Variants in COMT observed in about 807,000 individuals in gnomAD.
COMT encodes the protein catechol O-methyltransferase.
Under a neutral mutation model 18.9 loss-of-function variants are expected in COMT, and 13 were observed. That is an observed-to-expected ratio of 0.69 (90% CI 0.45 to 1.09). The LOEUF (loss-of-function observed/expected upper bound fraction) is 1.09, where lower values mean the gene tolerates loss of function less well. Among genes scored for constraint, COMT ranks in the 50% least tolerant of loss-of-function variants. The probability of loss-of-function intolerance (pLI) is 0.00; values close to 1 mark genes in which losing one functional copy is unlikely to be tolerated. For missense variants in COMT, 329 were observed against 361.8 expected, an observed-to-expected ratio of 0.91 and a Z score of 0.73; for synonymous variants, 150 against 160.9, an observed-to-expected ratio of 0.93 and a Z score of 0.51.
At chr22:19,962,183 G>A (rs996336935) in intron 2 of COMT, 9 of 372,180 alleles carry the variant, frequency 2.4e-5, no homozygotes, top group African/African-American at 1.6e-4. Flanking sequence ...AGCCAGCTGG[G>A]AGACAACAGC....
chr22:19,950,261 T>TTTTTTTTTTTTTTTTTTTTTTTTTG (rs763598655), intron 1 of COMT, among the ~76,000 whole-genome samples: 7 of 132,720 alleles, frequency 5.3e-5, no homozygotes, highest in South Asian at 2.6e-4. Flanking sequence ...TTTTTTTTTT[T>TTTTTTTTTTTTTTTTTTTTTTTTTG]TTCTGTAGAG....
chr22:19,942,181 A>C (rs1569122038), intron 1 of COMT, among the ~76,000 whole-genome samples: 1 of 152,156 alleles, frequency 6.6e-6, no homozygotes, highest in Non-Finnish European at 1.5e-5. Flanking sequence ...TAGCGGTGAG[A>C]GATCCCGCTT....
chr22:19,953,980 C>T (rs1224179523), intron 1 of COMT, among the ~76,000 whole-genome samples: 1 of 152,142 alleles, frequency 6.6e-6, no homozygotes, highest in Non-Finnish European at 1.5e-5. Flanking sequence ...GGGAGGGGGC[C>T]CCGACGGGGC....
Position 19,941,842 on chromosome 22 carries a change from C to T in COMT, c.-147C>T. 1 of 1,485,582 alleles carries T rather than the reference C, an allele frequency of 6.7e-7. No individual in the cohort carries two copies. The highest frequency in any genetic ancestry group is 8.9e-7 in the Non-Finnish European group (1 of 1,127,162). The allele number at this position is 1,485,582 out of a possible 1,614,324, so 92.0% of individuals were successfully genotyped here. On this transcript the variant is annotated 5_prime_UTR_variant, in exon 1 of 6. Transcript: ENST00000361682. ...CTGGGGCAGCTAGGGCTGCCCGCCG[C>T]GCTGCCTGCGCCGGACCGGGGCGGG...
In COMT at chr22:19,941,818, T is replaced by C; in HGVS notation, c.-171T>C. On this transcript the variant is annotated 5_prime_UTR_variant, in exon 1 of 6. Coordinates refer to ENST00000361682, the MANE Select transcript of COMT (RefSeq NM_000754.4). ...ATTGCCGCCATCGTCGTGGGGCTTC[T>C]GGGGCAGCTAGGGCTGCCCGCCGCG... The C allele has an allele frequency of 1.3e-6, 2 of 1,514,552 alleles. No individual in the cohort carries two copies. Among genetic ancestry groups the C allele is most frequent in the South Asian group, 1.2e-5 (1 of 82,474 alleles). 93.8% of individuals were successfully genotyped at this position (1,514,552 alleles called of 1,614,324 possible).
intron 1 of COMT, among the ~76,000 whole-genome samples, chr22:19,950,261 T>TTTTTTTTTTTTTTTTTTTTTG (rs763598655): frequency 7.5e-5 from 10 of 132,720 alleles, no homozygotes; most frequent in Admixed American, 1.6e-4. Flanking sequence ...TTTTTTTTTT[T>TTTTTTTTTTTTTTTTTTTTTG]TTCTGTAGAG....
At chr22:19,963,050 C>T (rs1942237268) in intron 3 of COMT, among the ~76,000 whole-genome samples, 1 of 152,168 alleles carries the variant, frequency 6.6e-6, no homozygotes, top group Non-Finnish European at 1.5e-5. Context: ...CTCACAGGGT[C>T]TGACGGTGGT....
At position 19,964,295 on chromosome 22, in the gene COMT, T is replaced by G. The variant is rs1252489480; in HGVS notation, c.611T>G (p.Leu204Trp). ...KDRYLPDTLL[L>W]EECGLLRKGT... ...CGGTACCTGCCGGACACGCTTCTCT[T>G]GGAGGTGAGCCCCAACCAGGATGGC... is the stretch of plus-strand genomic sequence containing the variant. Residue 204 changes from leucine to tryptophan, a missense_variant, in exon 5 of 6, where the codon TTG (leucine) becomes TGG (tryptophan). Transcript: ENST00000361682. 1 of 1,613,918 alleles carries G rather than the reference T, an allele frequency of 6.2e-7. No homozygotes were observed. The highest frequency in any genetic ancestry group is 1.3e-5 in the African/African-American group (1 of 75,048).
chr22:19,963,619 C>G lies in COMT; in HGVS notation c.343C>G (p.Leu115Val). ...QEHQPSVLLE[L>V]GAYCGYSAVR... is the part of the protein sequence containing the mutation. Reference sequence around the variant, plus strand: ...GCACCAGCCCTCCGTGCTGCTGGAGCTGGGGGCCTACTGTGGCTACTCAGC... The same window carrying G: ...GCACCAGCCCTCCGTGCTGCTGGAGGTGGGGGCCTACTGTGGCTACTCAGC... Residue 115 changes from leucine to valine, a missense_variant, in exon 4 of 6, where the codon CTG (leucine) becomes GTG (valine). Transcript: ENST00000361682. 6.2e-7 allele frequency: 1 copy of G among 1,613,058 alleles called. No homozygotes were observed. The highest frequency in any genetic ancestry group is 1.1e-5 in the South Asian group (1 of 91,090).
chr22:19,958,296 C>G (rs1428718967), intron 1 of COMT, among the ~76,000 whole-genome samples: 2 of 151,538 alleles, frequency 1.3e-5, no homozygotes, highest in Non-Finnish European at 2.9e-5. Flanking sequence ...TCCCAAGTAT[C>G]TGGGACTACA....
intron 3 of COMT, chr22:19,963,021 A>G (rs1054232272): frequency 3.3e-6 from 2 of 607,018 alleles, no homozygotes; most frequent in Non-Finnish European, 5.7e-6. Context: ...CTGCTGCCCC[A>G]GGACAACAGG....
chr22:19,942,210 C>T (rs1014419867), intron 1 of COMT, among the ~76,000 whole-genome samples: 11 of 152,118 alleles, frequency 7.2e-5, no homozygotes, highest in African/African-American at 2.7e-4. Context: ...GGTTGGGGGT[C>T]CAGACCAGGA....
intron 3 of COMT, chr22:19,963,290 A>G: frequency 1.7e-6 from 1 of 581,040 alleles, no homozygotes. Flanking sequence ...CCAGCCAGGA[A>G]GGGTGGAAAA....
chr22:19,954,278 G>T (rs188540887), intron 1 of COMT, among the ~76,000 whole-genome samples: 1 of 149,886 alleles, frequency 6.7e-6, no homozygotes, highest in East Asian at 2.0e-4. Context: ...GATACCAGGC[G>T]GGGGAGGCTA....
At chr22:19,948,392 C>T (rs553773000) in intron 1 of COMT, among the ~76,000 whole-genome samples, 4 of 152,300 alleles carry the variant, frequency 2.6e-5, no homozygotes, top group South Asian at 2.1e-4. Context: ...CAGTGGTTCA[C>T]GCCTATAATC....
chr22:19,964,127 CCTGT>C lies in COMT; in HGVS notation c.484-36_484-33del, dbSNP rs775355238. 201 of 1,613,860 alleles carry C rather than the reference CCTGT, an allele frequency of 1.2e-4. No individual in the cohort carries two copies. The Middle Eastern group carries it at 1.5e-3, about 12-fold the overall frequency. On this transcript the variant is annotated intron_variant, in intron 4 of 5. Coordinates refer to ENST00000361682, the MANE Select transcript of COMT (RefSeq NM_000754.4). ...TTGTATAGGTGTGTAGGGATGGCCTCCTGTCTGTGAGGACGTGGGCACTGACAGG... is the reference window on the plus strand; with the variant it reads ...TTGTATAGGTGTGTAGGGATGGCCTCCTGTGAGGACGTGGGCACTGACAGG...
In COMT at chr22:19,967,720, G is replaced by A. The variant is rs1289605902; in HGVS notation, c.616-816G>A. 3 of 260,470 alleles carry A rather than the reference G, an allele frequency of 1.2e-5. No homozygotes were observed. The Admixed American group carries it at 1.5e-4, about 13-fold the overall frequency. 16.1% of individuals were successfully genotyped at this position (260,470 alleles called of 1,614,324 possible). A position where few individuals can be genotyped will look rare whatever the true frequency, so the allele number is the denominator to read the frequency against. The stretch of plus-strand genomic sequence containing the variant: ...GATTGCTTGTTAACTTTTGTTTGGT[G>A]ACTAAGTCAAATTTCCAAGACAAGG... On this transcript the variant is annotated intron_variant, in intron 5 of 5. Coordinates refer to ENST00000361682, the MANE Select transcript of COMT (RefSeq NM_000754.4).
intron 1 of COMT, among the ~76,000 whole-genome samples, chr22:19,952,812 G>A (rs1221322865): frequency 2.0e-5 from 3 of 151,274 alleles, no homozygotes; most frequent in Non-Finnish European, 2.9e-5. Context: ...TTAGCTAGGC[G>A]TGGTGGTGTG....
chr22:19,968,739 GC>G lies in COMT; in HGVS notation c.*10del, dbSNP rs397758621. ...CAGGCAGCGAAGCAGGGCCCTGACT[GC>G]CCCCCCGGCCCCCCTCTCGGGCTCT... On this transcript the variant is annotated 3_prime_UTR_variant, in exon 6 of 6. Transcript: ENST00000361682. 3.1e-6 allele frequency: 5 copies of G among 1,595,146 alleles called. No individual in the cohort carries two copies. In the South Asian group the frequency reaches 3.3e-5, roughly 11 times the overall value.
Sources: allele counts gnomAD v4.1 joint callset (sites outside exome capture counted in the v4.1 genomes callset), GRCh38; gene constraint gnomAD v4.1.1; transcripts MANE v1.5; gene names NCBI Gene and HGNC (gene_info 2026-07-23, HGNC 2026-07-21).